Variants in MBOAT2 observed in about 807,000 individuals in gnomAD.
MBOAT2 encodes membrane-bound glycerophospholipid O-acyltransferase 2.
In MBOAT2, 28 loss-of-function variants were observed where a neutral mutation model predicts 63.4. The ratio of observed to expected loss-of-function variants is 0.44; its 90% CI spans 0.33 to 0.61. The LOEUF (loss-of-function observed/expected upper bound fraction) is 0.61. Among genes scored for constraint, MBOAT2 ranks in the 20% least tolerant of loss-of-function variants. The probability of loss-of-function intolerance (pLI) is 0.03; values close to 1 mark genes in which losing one functional copy is unlikely to be tolerated. For synonymous variants in MBOAT2, 211 were observed against 215.6 expected (o/e 0.98, Z 0.19); for missense variants, 470 against 605.8 (o/e 0.78, Z 2.35).
At chr2:8,901,996 G>A (rs62104422) in intron 4 of MBOAT2, among the ~76,000 whole-genome samples, 7,525 of 152,244 alleles carry the variant, frequency 0.049, 170 homozygotes, top group Middle Eastern at 0.058. Context: ...TGAGAGTTCC[G>A]CTCATGGCCG....
intron 6 of MBOAT2, among the ~76,000 whole-genome samples, chr2:8,879,469 T>A (rs909662987): frequency 2.6e-5 from 4 of 152,248 alleles, no homozygotes; most frequent in Non-Finnish European, 5.9e-5. Flanking sequence ...AAATGAGAAC[T>A]TAAGTCTAAT....
At chr2:8,859,118 C>G (rs144698459) in intron 12 of MBOAT2, among the ~76,000 whole-genome samples, 2 of 152,098 alleles carry the variant, frequency 1.3e-5, no homozygotes, top group African/African-American at 4.8e-5. Context: ...TAATTAGAAG[C>G]CTGATTTTCT....
At chr2:8,901,188 C>T (rs1664896451) in intron 4 of MBOAT2, among the ~76,000 whole-genome samples, 1 of 151,578 alleles carries the variant, frequency 6.6e-6, no homozygotes, top group Non-Finnish European at 1.5e-5. Flanking sequence ...AATAGTTGCG[C>T]TCACCGATGC....
rs1351870594 is a variant in MBOAT2, at chr2:8,905,945, G to A, written c.395+2676C>T. Among the ~76,000 whole-genome samples, 4 of 152,050 alleles carry A rather than the reference G, an allele frequency of 2.6e-5. No individual in the cohort carries two copies. The South Asian group carries it at 8.3e-4, about 32-fold the overall frequency. Reference sequence around the variant, plus strand: ...TAAAATTGCATTTAAGTATTTAACTGGCATTTTATTTTTATTTATTTCATT... The same window carrying A: ...TAAAATTGCATTTAAGTATTTAACTAGCATTTTATTTTTATTTATTTCATT... On this transcript the variant is annotated intron_variant, in intron 4 of 12. Coordinates refer to ENST00000305997, the MANE Select transcript of MBOAT2 (RefSeq NM_138799.4).
At chr2:8,931,117 C>T (rs1423446101) in intron 3 of MBOAT2, among the ~76,000 whole-genome samples, 2 of 152,214 alleles carry the variant, frequency 1.3e-5, no homozygotes, top group Admixed American at 6.5e-5. Context: ...CACTGTCTTC[C>T]ACAATGGTTG....
rs139600503 is a variant in MBOAT2 at position 8,963,602 on chromosome 2, C to T, written c.76-4960G>A. 4.6e-3 allele frequency among the ~76,000 whole-genome samples: 704 copies of T among 152,226 alleles called. 4 individuals carry two copies. The highest frequency in any genetic ancestry group is 7.2e-3 in the Non-Finnish European group (489 of 68,018). ...ATAGGCATGAGCCACCACACCCAAC[C>T]TGAAACTAAAAATTAAAATTAGATT... is the stretch of plus-strand genomic sequence containing the variant. On this transcript the variant is annotated intron_variant, in intron 1 of 12. Coordinates refer to ENST00000305997, the MANE Select transcript of MBOAT2 (RefSeq NM_138799.4).
intron 3 of MBOAT2, among the ~76,000 whole-genome samples, chr2:8,935,816 G>A (rs1031118167): frequency 6.6e-6 from 1 of 152,210 alleles, no homozygotes. Flanking sequence ...ACTCCAACCA[G>A]TGCCCATAAA....
rs370719854 is a variant in MBOAT2 at position 8,884,273 on chromosome 2, G to A, written c.452-1708C>T. On this transcript the variant is annotated intron_variant, in intron 5 of 12. Coordinates refer to ENST00000305997, the MANE Select transcript of MBOAT2 (RefSeq NM_138799.4). ...GGACATGGAAGATTATTTTTTCTTC[G>A]TATTTCCAATTTGTATTTTTCAAAT... Among the ~76,000 whole-genome samples, 13 of 140,634 alleles carry A rather than the reference G, an allele frequency of 9.2e-5. No individual in the cohort carries two copies. The South Asian group carries it at 2.5e-3, about 27-fold the overall frequency. 92.3% of individuals were successfully genotyped at this position (140,634 alleles called of 152,430 possible).
intron 1 of MBOAT2, among the ~76,000 whole-genome samples, chr2:8,997,197 G>A (rs1328856913): frequency 6.6e-6 from 1 of 152,164 alleles, no homozygotes; most frequent in East Asian, 1.9e-4. Context: ...TATTTTAAAG[G>A]AATCTTACCA....
At chr2:8,960,763 TG>T (rs1226037711) in intron 1 of MBOAT2, among the ~76,000 whole-genome samples, 1 of 152,310 alleles carries the variant, frequency 6.6e-6, no homozygotes, top group East Asian at 1.9e-4. Flanking sequence ...GGCCTCACAC[TG>T]GACACTGAAT....
intron 5 of MBOAT2, among the ~76,000 whole-genome samples, chr2:8,887,194 G>A (rs1245400239): frequency 2.6e-5 from 4 of 152,182 alleles, no homozygotes; most frequent in Non-Finnish European, 5.9e-5. Flanking sequence ...AGGGCAGAAA[G>A]ATAGTTGCTG....
chr2:8,961,502 A>G (rs916690524), intron 1 of MBOAT2, among the ~76,000 whole-genome samples: 3 of 152,176 alleles, frequency 2.0e-5, no homozygotes, highest in Admixed American at 6.5e-5. Context: ...CAGAGCACAC[A>G]TGCACAGGGC....
In MBOAT2 at chr2:8,976,217, C is replaced by T. The variant is rs77703340; in HGVS notation, c.76-17575G>A. Among the ~76,000 whole-genome samples, 7 of 152,066 alleles carry T rather than the reference C, an allele frequency of 4.6e-5. No homozygotes were observed. In the East Asian group the frequency reaches 5.8e-4, roughly 13 times the overall value. On this transcript the variant is annotated intron_variant, in intron 1 of 12. Transcript: ENST00000305997. ...AATGCATGGAAACAGAAGCAGAAAG[C>T]GAGCGATTTAATCAAGGCACCACAG...
chr2:8,966,288 T>A (rs1267580450), intron 1 of MBOAT2, among the ~76,000 whole-genome samples: 1 of 152,210 alleles, frequency 6.6e-6, no homozygotes, highest in Non-Finnish European at 1.5e-5. Flanking sequence ...TATATGTGGT[T>A]ATTCCAAATT....
At position 8,858,494 on chromosome 2, in the gene MBOAT2, A is replaced by G. The variant is rs10929559; in HGVS notation, c.*185T>C. 1 allele frequency: 537,350 copies of G among 539,464 alleles called. 267,649 individuals are homozygous for G. Among genetic ancestry groups the G allele is most frequent in the East Asian group, 1 (34,656 of 34,656 alleles). The allele number at this position is 539,464 out of a possible 1,614,324, so 33.4% of individuals were successfully genotyped here. A position where few individuals can be genotyped will look rare whatever the true frequency, so the allele number is the denominator to read the frequency against. On this transcript the variant is annotated 3_prime_UTR_variant, in exon 13 of 13. Transcript: ENST00000305997. ...TTCTTACATAAGGCGTGGCCCACGGAGACATGGCATGGGAGGGCTTGTTTC... is the reference window on the plus strand; with the variant it reads ...TTCTTACATAAGGCGTGGCCCACGGGGACATGGCATGGGAGGGCTTGTTTC...
intron 7 of MBOAT2, 71 bp from the exon 8 acceptor site, chr2:8,873,371 C>A: frequency 7.0e-7 from 1 of 1,438,800 alleles, no homozygotes; most frequent in Non-Finnish European, 9.4e-7. Flanking sequence ...GTATTATCGA[C>A]AGATTAATCT....
At chr2:8,893,929 G>A (rs1664215273) in intron 4 of MBOAT2, among the ~76,000 whole-genome samples, 1 of 152,154 alleles carries the variant, frequency 6.6e-6, no homozygotes, top group African/African-American at 2.4e-5. Flanking sequence ...CCTGTCACCA[G>A]CTTCTCAGCC....
chr2:8,914,362 C>T (rs1665994948), intron 3 of MBOAT2, among the ~76,000 whole-genome samples: 2 of 152,064 alleles, frequency 1.3e-5, no homozygotes, highest in South Asian at 4.1e-4. Context: ...CATATTGGAA[C>T]TACATTCATT....
At chr2:8,868,683 AAAC>A in intron 8 of MBOAT2, 134 bp from the exon 9 acceptor site, 3 of 704,172 alleles carry the variant, frequency 4.3e-6, no homozygotes, top group Non-Finnish European at 6.9e-6. Context: ...TTTAAGTCAG[AAAC>A]AACATCGCAT....
Sources: gnomAD v4.1 joint callset for allele counts (sites outside exome capture counted in the v4.1 genomes callset) on GRCh38, gnomAD v4.1.1 for gene constraint, MANE v1.5 for transcripts, NCBI Gene and HGNC (gene_info 2026-07-23, HGNC 2026-07-21) for gene names.